The following FAM149A variants were observed in gnomAD, a reference collection of about 807,000 sequenced individuals.
FAM149A encodes the protein protein FAM149A.
In FAM149A, 71 loss-of-function variants were observed where a neutral mutation model predicts 78.2. That is an observed-to-expected ratio of 0.91 (90% CI 0.75 to 1.11). FAM149A has a LOEUF of 1.11. Among genes scored for constraint, FAM149A ranks in the 50% least tolerant of loss-of-function variants. The pLI is 0.00. For missense variants in FAM149A, 1,036 were observed against 971.0 expected, an observed-to-expected ratio of 1.07 and a Z score of -0.89; for synonymous variants, 446 against 410.5, an observed-to-expected ratio of 1.09 and a Z score of -1.04.
intron 13 of FAM149A, chr4:186,169,606 G>T: frequency 1.0e-6 from 1 of 985,392 alleles, no homozygotes; most frequent in Non-Finnish European, 1.2e-6. Context: ...AGCACACCAC[G>T]ATCTAATAGG....
chr4:186,152,501 T>C (rs894606450), intron 4 of FAM149A, among the ~76,000 whole-genome samples: 1 of 151,574 alleles, frequency 6.6e-6, no homozygotes, highest in Non-Finnish European at 1.5e-5. Flanking sequence ...ATGGAGAATA[T>C]GGATTGGGTA....
chr4:186,169,955 C>A (rs757223390), intron 13 of FAM149A: 2 of 984,744 alleles, frequency 2.0e-6, no homozygotes, highest in Non-Finnish European at 2.4e-6. Context: ...ACATTTAGTT[C>A]TTTGGTTCAA....
At chr4:186,107,175 T>G (rs1301805334) in intron 1 of FAM149A, among the ~76,000 whole-genome samples, 1 of 152,194 alleles carries the variant, frequency 6.6e-6, no homozygotes, top group African/African-American at 2.4e-5. Context: ...AGCAAACAGA[T>G]CTACACACTG....
rs769880694 is a variant in FAM149A, at chr4:186,157,618, G to A, written c.1474G>A (p.Val492Ile). Residue 492 changes from valine to isoleucine, a missense_variant, in exon 8 of 14, where the codon GTC (valine) becomes ATC (isoleucine). Transcript: ENST00000389354. ...AGTGGCTGGAAACAGATTTCCGCAC[G>A]TCCTCGTTCCACACGCTCACGCCGA... 95 of 1,614,030 alleles carry A rather than the reference G, an allele frequency of 5.9e-5. No individual in the cohort carries two copies. The highest frequency in any genetic ancestry group is 2.7e-4 in the East Asian group (12 of 44,894).
At chr4:186,161,053 T>C (rs1734566250) in intron 8 of FAM149A, among the ~76,000 whole-genome samples, 2 of 152,248 alleles carry the variant, frequency 1.3e-5, no homozygotes, top group Admixed American at 1.3e-4. Flanking sequence ...AGATGCTAAT[T>C]ATATATTAAT....
chr4:186,149,236 T>A lies in FAM149A; in HGVS notation c.630T>A (p.Pro210=). Residue 210 remains proline (P), a synonymous_variant, in exon 2 of 14, where the codon CCT becomes CCA. Coordinates refer to ENST00000389354, the MANE Select transcript of FAM149A (RefSeq NM_001367768.3). ...CTGTGAGGAGCAAAGATTCTTTACC[T>A]ACGCATTTTACAAGAAATGTGCAGA... The A allele has an allele frequency of 7.8e-7, 1 of 1,289,434 alleles. No homozygotes were observed. The highest frequency in any genetic ancestry group is 1.5e-5 in the African/African-American group (1 of 65,994). 79.9% of individuals were successfully genotyped at this position (1,289,434 alleles called of 1,614,324 possible). A position where few individuals can be genotyped will look rare whatever the true frequency, so the allele number is the denominator to read the frequency against.
chr4:186,147,022 A>G, intron 1 of FAM149A: 1 of 967,214 alleles, frequency 1.0e-6, no homozygotes, highest in Non-Finnish European at 1.2e-6. Context: ...TATATAATAC[A>G]AAATGCTATG....
intron 1 of FAM149A, chr4:186,130,263 A>ATTTCTCTCTCTCTCTCTCTCTCTC (rs1554068048): frequency 1.5e-5 from 1 of 67,098 alleles, no homozygotes; most frequent in African/African-American, 5.3e-5. Flanking sequence ...ACTTTATGAA[A>ATTTCTCTCTCTCTCTCTCTCTCTC]TCTCTCTCTC....
At chr4:186,162,810 CTTTTTTTTTTT>C in intron 8 of FAM149A, 24 bp from the exon 9 acceptor site, 3 of 561,990 alleles carry the variant, frequency 5.3e-6, no homozygotes, top group East Asian at 3.6e-5. Context: ...ATTTGTAATT[CTTTTTTTTTTT>C]TTTTTTTTTT....
chr4:186,155,167 C>T (rs1181906215), intron 6 of FAM149A, among the ~76,000 whole-genome samples: 1 of 152,068 alleles, frequency 6.6e-6, no homozygotes, highest in Non-Finnish European at 1.5e-5. Flanking sequence ...GGGGTTTCAC[C>T]GTGTTAGCCA....
At chr4:186,121,855 A>T (rs1376859745) in intron 1 of FAM149A, among the ~76,000 whole-genome samples, 1 of 152,126 alleles carries the variant, frequency 6.6e-6, no homozygotes, top group Non-Finnish European at 1.5e-5. Flanking sequence ...TGATGAATAC[A>T]TTTGGCTCTT....
rs1330950003 is a variant in FAM149A, at chr4:186,160,275, A to AAC, written c.1575+2561_1575+2562dup. On this transcript the variant is annotated intron_variant, in intron 8 of 13. Transcript: ENST00000389354. ...ACACACACTGCACACACCCGACACAAACACACCACACACCAAACACACACC... is the reference window on the plus strand; with the variant it reads ...ACACACACTGCACACACCCGACACAAACACACACCACACACCAAACACACACC... Among the ~76,000 whole-genome samples the AAC allele has an allele frequency of 2.4e-5, 3 of 124,970 alleles. No individual in the cohort carries two copies. The East Asian group carries it at 7.4e-4, about 31-fold the overall frequency. The allele number at this position is 124,970 out of a possible 152,430, so 82.0% of individuals were successfully genotyped here. A position where few individuals can be genotyped will look rare whatever the true frequency, so the allele number is the denominator to read the frequency against.
At chr4:186,169,398 A>G (rs1461446428) in intron 13 of FAM149A, 1 of 985,310 alleles carries the variant, frequency 1.0e-6, no homozygotes, top group Non-Finnish European at 1.2e-6. Context: ...CCCCATGCAG[A>G]CGTCCCCAGG....
chr4:186,154,955 T>A, intron 6 of FAM149A: 2 of 973,118 alleles, frequency 2.1e-6, no homozygotes, highest in South Asian at 9.8e-5. Flanking sequence ...TGTACTAAAT[T>A]CGTATTTTGT....
At chr4:186,158,128 C>T (rs1451052693) in intron 8 of FAM149A, 27 of 1,300,216 alleles carry the variant, frequency 2.1e-5, no homozygotes, top group African/African-American at 3.0e-5. Context: ...CCCTGTCTTG[C>T]TCCAGGAACA....
intron 1 of FAM149A, among the ~76,000 whole-genome samples, chr4:186,133,722 C>G (rs898197302): frequency 2.0e-5 from 3 of 152,174 alleles, no homozygotes; most frequent in Admixed American, 2.0e-4. Context: ...GTGGCGTGAT[C>G]ATAGCTCACT....
rs576583564 is a variant in FAM149A at position 186,104,970 on chromosome 4, G to A, written c.-107G>A. The A allele has an allele frequency of 2.5e-6, 3 of 1,183,168 alleles. No individual in the cohort carries two copies. Among genetic ancestry groups the A allele is most frequent in the Admixed American group, 3.6e-5 (1 of 27,942 alleles). The allele number at this position is 1,183,168 out of a possible 1,614,324, so 73.3% of individuals were successfully genotyped here. A position where few individuals can be genotyped will look rare whatever the true frequency, so the allele number is the denominator to read the frequency against. On this transcript the variant is annotated 5_prime_UTR_variant, in exon 1 of 14. Transcript: ENST00000389354. ...GGGAGCCAGGGGCCTCCGGGGCTCC[G>A]GGTGCGGGGACCTCAGGCTCCTCGC...
chr4:186,106,803 C>T (rs113418450), intron 1 of FAM149A, among the ~76,000 whole-genome samples: 1,833 of 152,058 alleles, frequency 0.012, 38 homozygotes, highest in African/African-American at 0.042. Flanking sequence ...AAAAATTAGC[C>T]GGGCGTGGTG....
chr4:186,168,381 A>G (rs1735234128), intron 13 of FAM149A, among the ~76,000 whole-genome samples: 1 of 152,186 alleles, frequency 6.6e-6, no homozygotes, highest in African/African-American at 2.4e-5. Context: ...TTTGAGATGA[A>G]GTCTCACTGC....
Sources: gnomAD v4.1 joint callset for allele counts (sites outside exome capture counted in the v4.1 genomes callset) on GRCh38, gnomAD v4.1.1 for gene constraint, MANE v1.5 for transcripts, NCBI Gene and HGNC (gene_info 2026-07-23, HGNC 2026-07-21) for gene names.